The following BNIP3 variants were observed in gnomAD, a reference collection of about 807,000 sequenced individuals.
The protein encoded by BNIP3 is BCL2/adenovirus E1B 19 kDa protein-interacting protein 3.
BNIP3 carries 16 observed loss-of-function variants against 23.9 expected under a neutral mutation model. The ratio of observed to expected loss-of-function variants is 0.67; its 90% confidence interval spans 0.45 to 1.01. The LOEUF is 1.01. Among genes scored for constraint, BNIP3 ranks in the 50% least tolerant of loss-of-function variants. The pLI, the probability that BNIP3 is intolerant of heterozygous loss-of-function variation, is 0.00. For synonymous variants in BNIP3, 81 were observed against 89.3 expected, an observed-to-expected ratio of 0.91 and a Z score of 0.53; for missense variants, 198 against 248.7, an observed-to-expected ratio of 0.80 and a Z score of 1.37.
chr10:131,977,795 C>T (rs1351644667), intron 1 of BNIP3, among the ~76,000 whole-genome samples: 1 of 152,150 alleles, frequency 6.6e-6, no homozygotes, highest in Non-Finnish European at 1.5e-5. Flanking sequence ...GGAAAAAAAA[C>T]TCACTCCAGA....
chr10:131,973,981 C>T, intron 1 of BNIP3, 38 bp from the exon 2 acceptor site: 1 of 1,611,154 alleles, frequency 6.2e-7, no homozygotes, highest in African/African-American at 1.3e-5. Context: ...ATGGAATTCT[C>T]TACCCACTCT....
In BNIP3 at chr10:131,973,083, C is replaced by T. The variant is rs143231747; in HGVS notation, c.233G>A (p.Arg78Lys). The T allele has an allele frequency of 4.9e-4, 790 of 1,613,788 alleles. 5 individuals are homozygous for T. The African/African-American group carries it at 9.9e-3, about 20-fold the overall frequency. ...GCTATGGGTATCTGTTTCAGAAGCT[C>T]TGTTGGTATCTTGTGGTGTCTGCGA... ...PRSQTPQDTN[R>K]ASETDTHSIG... is the part of the protein sequence containing the mutation. Residue 78 changes from arginine (R) to lysine (K), a missense_variant, in exon 3 of 6, where the codon AGA becomes AAA. Transcript: ENST00000368636.
chr10:131,975,496 T>C (rs2037072846), intron 1 of BNIP3, among the ~76,000 whole-genome samples: 1 of 152,170 alleles, frequency 6.6e-6, no homozygotes, highest in Non-Finnish European at 1.5e-5. Flanking sequence ...CACCCTGAGC[T>C]GCTGACTGTC....
chr10:131,969,451 T>C (rs890333372), intron 5 of BNIP3: 3 of 152,196 alleles, frequency 2.0e-5, no homozygotes, highest in African/African-American at 4.8e-5. Context: ...TCTGTAGGTC[T>C]GACTCCCAAA....
chr10:131,981,085 T>A (rs1318613873), intron 1 of BNIP3: 1 of 152,174 alleles, frequency 6.6e-6, no homozygotes, highest in Non-Finnish European at 1.5e-5. Flanking sequence ...AGCGAGCCTC[T>A]ACTCGGGCAT....
At chr10:131,981,621 G>C (rs2037119334) in intron 1 of BNIP3, 140 bp downstream of exon 1, 5 of 1,097,034 alleles carry the variant, frequency 4.6e-6, no homozygotes, top group Non-Finnish European at 6.0e-6. Flanking sequence ...GGTGGGTACG[G>C]AAGGGGAGGA....
In BNIP3 at chr10:131,973,117, G is replaced by A. The variant is rs1346765876; in HGVS notation, c.199C>T (p.Pro67Ser). 6.2e-7 allele frequency: 1 copy of A among 1,613,482 alleles called. No individual in the cohort carries two copies. Among genetic ancestry groups the A allele is most frequent in the Non-Finnish European group, 8.5e-7 (1 of 1,179,468 alleles). ...TCTTGTGGTGTCTGCGAGCGAGGTG[G>A]GCTTGGCGATGTGAATAGAATGGGA... is the stretch of plus-strand genomic sequence containing the variant. ...SSSKSSHCDS[P>S]PRSQTPQDTN... The change falls in exon 3 of 6, where the codon CCA becomes TCA. Residue 67 changes from proline (P) to serine (S), a missense_variant and splice_region_variant. Transcript: ENST00000368636.
chr10:131,970,329 C>T lies in BNIP3; in HGVS notation c.539+309G>A, dbSNP rs1725970067. ...ACAGTACTACACAGAAATGAGACTG[C>T]TTTCACCTACACACAGGACAAAGAG... On this transcript the variant is annotated intron_variant, in intron 5 of 5. Coordinates refer to ENST00000368636, the MANE Select transcript of BNIP3 (RefSeq NM_004052.4). The surrounding 1 kb of genome is among the most constrained non-coding windows in gnomAD (Gnocchi z 4.1). 1.2e-5 allele frequency: 5 copies of T among 413,794 alleles called. No homozygotes were observed. The Admixed American group carries it at 1.2e-4, about 10-fold the overall frequency. The allele number at this position is 413,794 out of a possible 1,614,324, so 25.6% of individuals were successfully genotyped here. A position where few individuals can be genotyped will look rare whatever the true frequency, so the allele number is the denominator to read the frequency against.
Position 131,973,990 on chromosome 10 carries a change from C to G in BNIP3, c.47-47G>C, listed in dbSNP as rs1436956205. 4 of 1,608,220 alleles carry G rather than the reference C, an allele frequency of 2.5e-6. No homozygotes were observed. The African/African-American group carries it at 4.0e-5, about 16-fold the overall frequency. ...GCGCAGATGGAATTCTCTACCCACT[C>G]TGGAATCTGCTCTTGATATCTAACC... is the stretch of plus-strand genomic sequence containing the variant. On this transcript the variant is annotated intron_variant, in intron 1 of 5. Coordinates refer to ENST00000368636, the MANE Select transcript of BNIP3 (RefSeq NM_004052.4).
intron 1 of BNIP3, among the ~76,000 whole-genome samples, chr10:131,978,430 A>G (rs1156918219): frequency 1.3e-5 from 2 of 150,950 alleles, no homozygotes; most frequent in Non-Finnish European, 2.9e-5. Flanking sequence ...CTAGGTGCCC[A>G]AAGCAGTTCT....
At chr10:131,973,676 G>A (rs536718444) in intron 2 of BNIP3, 117 bp downstream of exon 2, 60 of 1,434,474 alleles carry the variant, frequency 4.2e-5, no homozygotes, top group East Asian at 2.7e-4. Flanking sequence ...TCCAGAACGC[G>A]GCCCGAGGCG....
chr10:131,972,684 T>C (rs2037045450), intron 3 of BNIP3, among the ~76,000 whole-genome samples: 3 of 152,188 alleles, frequency 2.0e-5, no homozygotes, highest in African/African-American at 7.2e-5. Flanking sequence ...AGTAGCTGGC[T>C]CACTGCCACC....
At chr10:131,975,758 C>A (rs1184633716) in intron 1 of BNIP3, among the ~76,000 whole-genome samples, 1 of 152,190 alleles carries the variant, frequency 6.6e-6, no homozygotes, top group East Asian at 1.9e-4. Flanking sequence ...CAACAGTCTC[C>A]CAGTAAGCTG....
intron 2 of BNIP3, 21 bp downstream of exon 2, chr10:131,973,772 C>G: frequency 4.3e-6 from 7 of 1,611,362 alleles, no homozygotes; most frequent in African/African-American, 1.3e-5. Flanking sequence ...GTAACACATA[C>G]ACTTGTTGAT....
In BNIP3 at chr10:131,970,619, A is replaced by T; in HGVS notation, c.539+19T>A. 6.2e-7 allele frequency: 1 copy of T among 1,612,602 alleles called. No individual in the cohort carries two copies. The highest frequency in any genetic ancestry group is 1.1e-5 in the South Asian group (1 of 90,884). On this transcript the variant is annotated intron_variant, in intron 5 of 5. Transcript: ENST00000368636. This position sits in a 1 kb window ranked among gnomAD's most constrained non-coding sequence, Gnocchi z 4.1. Reference sequence around the variant, plus strand: ...CCCACGACATGCCATGACAGGAGTCACACAGTCACATCACCTACCCCAATC... The same window carrying T: ...CCCACGACATGCCATGACAGGAGTCTCACAGTCACATCACCTACCCCAATC...
At chr10:131,978,899 T>G (rs189795180) in intron 1 of BNIP3, among the ~76,000 whole-genome samples, 362 of 133,182 alleles carry the variant, frequency 2.7e-3, no homozygotes, top group African/African-American at 9.0e-3. Context: ...GAAATTGCTG[T>G]TTTACCTTTA....
At chr10:131,977,973 G>A (rs2037092873) in intron 1 of BNIP3, among the ~76,000 whole-genome samples, 1 of 152,168 alleles carries the variant, frequency 6.6e-6, no homozygotes, top group Non-Finnish European at 1.5e-5. Flanking sequence ...TCTCCACTCG[G>A]ATCGTTCACC....
At chr10:131,977,135 G>T (rs536537836) in intron 1 of BNIP3, among the ~76,000 whole-genome samples, 3 of 152,104 alleles carry the variant, frequency 2.0e-5, no homozygotes, top group Non-Finnish European at 2.9e-5. Flanking sequence ...AGCTGGGCGT[G>T]GTGGGCGCCT....
chr10:131,969,122 G>GCTGGC (rs2036997783), intron 5 of BNIP3: 1 of 154,730 alleles, frequency 6.5e-6, no homozygotes, highest in Non-Finnish European at 1.4e-5. Flanking sequence ...CGGAAGCCTG[G>GCTGGC]CTGGCCTGGC....
Sources: gnomAD v4.1 joint callset for allele counts (sites outside exome capture counted in the v4.1 genomes callset) on GRCh38, gnomAD v4.1.1 for gene constraint, Gnocchi (gnomAD v3.1) non-coding constraint, MANE v1.5 for transcripts, NCBI Gene and HGNC (gene_info 2026-07-23, HGNC 2026-07-21) for gene names.